GSK3B: variants seen among roughly 807,000 people sequenced by gnomAD.
The protein encoded by GSK3B is glycogen synthase kinase-3 beta.
GSK3B carries 15 observed loss-of-function variants against 56.4 expected under a neutral mutation model. The ratio of observed to expected loss-of-function variants is 0.27; its 90% CI spans 0.18 to 0.41. The LOEUF (loss-of-function observed/expected upper bound fraction) is 0.41, where lower values mean the gene tolerates loss of function less well. Among genes scored for constraint, GSK3B ranks in the 10% least tolerant of loss-of-function variants. GSK3B has a pLI of 1.00. For missense variants in GSK3B, 300 were observed against 513.4 expected (o/e 0.58, Z 4.02); for synonymous variants, 181 against 188.9 (o/e 0.96, Z 0.34).
chr3:120,040,524 C>G (rs2058057374), intron 1 of GSK3B, among the ~76,000 whole-genome samples: 1 of 152,054 alleles, frequency 6.6e-6, no homozygotes, highest in African/African-American at 2.4e-5. Flanking sequence ...ATCACTGATA[C>G]AAAGGATTGA....
chr3:119,844,563 T>C (rs2055829222), intron 9 of GSK3B, among the ~76,000 whole-genome samples: 1 of 152,054 alleles, frequency 6.6e-6, no homozygotes, highest in Admixed American at 6.5e-5. Flanking sequence ...TCTACGCAAA[T>C]AAACTAGAAA....
At chr3:120,032,543 G>A (rs2057986588) in intron 1 of GSK3B, among the ~76,000 whole-genome samples, 1 of 152,112 alleles carries the variant, frequency 6.6e-6, no homozygotes, top group South Asian at 2.1e-4. Flanking sequence ...GGCGGGAGCA[G>A]TGGCATGTTC....
chr3:120,080,525 A>T (rs1354658243), intron 1 of GSK3B, among the ~76,000 whole-genome samples: 1 of 152,056 alleles, frequency 6.6e-6, no homozygotes, highest in African/African-American at 2.4e-5. Context: ...AGACCCAAAA[A>T]GAGGTCTTGT....
At chr3:120,029,994 T>G in intron 1 of GSK3B, 1 of 431,560 alleles carries the variant, frequency 2.3e-6, no homozygotes, top group South Asian at 1.9e-5. Context: ...CCTCCCAGTG[T>G]TTTCAGCTGT....
chr3:119,930,727 A>G (rs1329157970), intron 3 of GSK3B, among the ~76,000 whole-genome samples: 2 of 152,260 alleles, frequency 1.3e-5, no homozygotes, highest in Admixed American at 6.5e-5. Context: ...ACAGAACTCA[A>G]AAAGAAAAAA....
chr3:120,025,167 T>C (rs2057912317), intron 1 of GSK3B, among the ~76,000 whole-genome samples: 3 of 152,158 alleles, frequency 2.0e-5, no homozygotes, highest in Admixed American at 6.5e-5. Context: ...GAGACCAGCC[T>C]GGCCATCTCT....
chr3:120,047,005 A>G (rs2058109359), intron 1 of GSK3B, among the ~76,000 whole-genome samples: 1 of 152,218 alleles, frequency 6.6e-6, no homozygotes. Flanking sequence ...ACAGACAGGA[A>G]CATGAATCAG....
chr3:119,958,723 C>A (rs935647355), intron 2 of GSK3B, among the ~76,000 whole-genome samples: 4 of 151,834 alleles, frequency 2.6e-5, no homozygotes, highest in Admixed American at 6.6e-5. Context: ...ATTCTAAAAA[C>A]AGAAAGAATA....
intron 7 of GSK3B, among the ~76,000 whole-genome samples, chr3:119,881,074 CAGT>C: frequency 6.6e-6 from 1 of 152,246 alleles, no homozygotes; most frequent in Non-Finnish European, 1.5e-5. Flanking sequence ...AAAAATCCAA[CAGT>C]AGAATTAACA....
intron 1 of GSK3B, among the ~76,000 whole-genome samples, chr3:120,076,800 C>A (rs573922375): frequency 6.7e-4 from 71 of 105,792 alleles, no homozygotes; most frequent in African/African-American, 2.7e-3. Flanking sequence ...GGCGACAGAG[C>A]GAAACTCCGT....
intron 8 of GSK3B, among the ~76,000 whole-genome samples, chr3:119,871,749 A>G (rs1050428520): frequency 7.9e-5 from 12 of 152,166 alleles, no homozygotes; most frequent in African/African-American, 2.9e-4. Context: ...CTGGGGAACA[A>G]CTAGGAGACA....
intron 1 of GSK3B, among the ~76,000 whole-genome samples, chr3:120,060,630 G>A (rs1000150193): frequency 5.9e-5 from 9 of 152,140 alleles, no homozygotes; most frequent in African/African-American, 1.9e-4. Context: ...GAAGGCTGAG[G>A]TGGAAGGATT....
intron 1 of GSK3B, among the ~76,000 whole-genome samples, chr3:120,042,693 T>C (rs1348026847): frequency 6.6e-6 from 1 of 152,166 alleles, no homozygotes; most frequent in African/African-American, 2.4e-5. Flanking sequence ...ACTCAGACAA[T>C]GGAACCCATT....
chr3:119,909,340 T>G (rs928014301), intron 6 of GSK3B, among the ~76,000 whole-genome samples: 1 of 152,186 alleles, frequency 6.6e-6, no homozygotes, highest in Non-Finnish European at 1.5e-5. Flanking sequence ...TTTGGTTTTC[T>G]GTTACTGTGG....
Position 120,093,885 on chromosome 3 carries a change from A to T in GSK3B, c.-451T>A, listed in dbSNP as rs952432558. 3.0e-5 allele frequency: 4 copies of T among 133,316 alleles called. No individual in the cohort carries two copies. The highest frequency in any genetic ancestry group is 1.2e-4 in the African/African-American group (4 of 32,676). The allele number at this position is 133,316 out of a possible 1,614,324, so 8.3% of individuals were successfully genotyped here. On this transcript the variant is annotated 5_prime_UTR_variant, in exon 1 of 11. Coordinates refer to ENST00000264235, the MANE Select transcript of GSK3B (RefSeq NM_001146156.2). ...TCACGAGTCTCACGCTTGAAGAGAA[A>T]GGGGGATGGGTAGGAGGGAGGGAGA...
chr3:120,065,036 A>G (rs1425655978), intron 1 of GSK3B, among the ~76,000 whole-genome samples: 1 of 152,196 alleles, frequency 6.6e-6, no homozygotes, highest in Non-Finnish European at 1.5e-5. Context: ...AAGAAAACAT[A>G]TGGGTAAATC....
At chr3:119,915,064 T>C (rs2056767459) in intron 5 of GSK3B, among the ~76,000 whole-genome samples, 2 of 152,100 alleles carry the variant, frequency 1.3e-5, no homozygotes, top group South Asian at 2.1e-4. Context: ...TACATGGGAA[T>C]GTAGGCTTGA....
At chr3:120,067,753 T>C (rs1299754669) in intron 1 of GSK3B, among the ~76,000 whole-genome samples, 5 of 152,230 alleles carry the variant, frequency 3.3e-5, no homozygotes, top group African/African-American at 4.8e-5. Context: ...AAACCTTGAA[T>C]GTGGGAAATT....
chr3:119,840,116 G>A (rs768417414), intron 10 of GSK3B, among the ~76,000 whole-genome samples: 1 of 151,992 alleles, frequency 6.6e-6, no homozygotes, highest in Non-Finnish European at 1.5e-5. Context: ...AGAGATGCAT[G>A]TCCATTTATC....
Sources: allele counts gnomAD v4.1 joint callset (sites outside exome capture counted in the v4.1 genomes callset), GRCh38; gene constraint gnomAD v4.1.1; transcripts MANE v1.5; gene names NCBI Gene and HGNC (gene_info 2026-07-23, HGNC 2026-07-21).